Variants in MTF2 observed in about 807,000 individuals in gnomAD.
MTF2 encodes the protein metal-response element-binding transcription factor 2.
MTF2 carries 11 observed loss-of-function variants against 79.5 expected under a neutral mutation model. The ratio of observed to expected loss-of-function variants is 0.14; its 90% CI spans 0.09 to 0.23. The LOEUF is 0.23. Among genes scored for constraint, MTF2 ranks in the 10% least tolerant of loss-of-function variants. The pLI, the probability that MTF2 is intolerant of heterozygous loss-of-function variation, is 1.00. For missense variants in MTF2, 486 were observed against 711.2 expected (o/e 0.68, Z 3.60); for synonymous variants, 208 against 232.8 (o/e 0.89, Z 0.97).
intron 11 of MTF2, among the ~76,000 whole-genome samples, chr1:93,133,478 A>C (rs1647226351): frequency 6.6e-6 from 1 of 152,122 alleles, no homozygotes; most frequent in African/African-American, 2.4e-5. Context: ...ACTTTCTTTA[A>C]ACCTTTCATA....
At chr1:93,103,916 A>T (rs1482945520) in intron 1 of MTF2, among the ~76,000 whole-genome samples, 1 of 152,134 alleles carries the variant, frequency 6.6e-6, no homozygotes. Flanking sequence ...GAGAAATTTT[A>T]AAAGAAGATA....
At position 93,135,004 on chromosome 1, in the gene MTF2, C is replaced by G. The variant is rs540993038; in HGVS notation, c.1424+809C>G. On this transcript the variant is annotated intron_variant, in intron 14 of 14. Transcript: ENST00000370298. ...TTTTTTTTTGAGATGGAGTCTCGCT[C>G]TGTCACCCAGGCTGGAGTACAGTGG... Among the ~76,000 whole-genome samples the G allele has an allele frequency of 5.3e-5, 8 of 152,214 alleles. No homozygotes were observed. The Middle Eastern group carries it at 0.017, about 324-fold the overall frequency.
At chr1:93,085,262 G>A (rs1654788448) in intron 1 of MTF2, among the ~76,000 whole-genome samples, 2 of 143,142 alleles carry the variant, frequency 1.4e-5, no homozygotes, top group African/African-American at 2.6e-5. Context: ...TGCAAGCTCC[G>A]CCTCCCAGGT....
At chr1:93,134,781 T>C (rs948380018) in intron 14 of MTF2, among the ~76,000 whole-genome samples, 5 of 150,924 alleles carry the variant, frequency 3.3e-5, no homozygotes, top group African/African-American at 1.2e-4. Context: ...GTGTTGGCCT[T>C]CTCAAGTGCT....
At chr1:93,133,453 A>C (rs960118446) in intron 11 of MTF2, among the ~76,000 whole-genome samples, 3 of 152,124 alleles carry the variant, frequency 2.0e-5, no homozygotes, top group African/African-American at 7.2e-5. Context: ...ATTGTTCAGA[A>C]TTATATTAAA....
chr1:93,118,798 A>G (rs991601316), intron 7 of MTF2, among the ~76,000 whole-genome samples: 1 of 152,250 alleles, frequency 6.6e-6, no homozygotes, highest in African/African-American at 2.4e-5. Context: ...AAAAATTTGT[A>G]AAAGCAGACT....
intron 9 of MTF2, chr1:93,121,707 T>TATCATACA: frequency 1.0e-6 from 1 of 952,428 alleles, no homozygotes; most frequent in Non-Finnish European, 1.3e-6. Context: ...GATATTGGAT[T>TATCATACA]ATCATACAAA....
chr1:93,106,733 C>G (rs1010325060), intron 1 of MTF2, among the ~76,000 whole-genome samples: 20 of 152,178 alleles, frequency 1.3e-4, no homozygotes, highest in African/African-American at 4.8e-4. Context: ...GTTGGTCAGG[C>G]TGGTCTTGAA....
intron 9 of MTF2, among the ~76,000 whole-genome samples, chr1:93,125,251 G>A (rs868196847): frequency 6.7e-6 from 1 of 149,764 alleles, no homozygotes; most frequent in Admixed American, 6.6e-5. Flanking sequence ...AATAAGTCAT[G>A]TATACCCTTG....
chr1:93,128,823 A>G (rs1045065025), intron 10 of MTF2: 1 of 145,210 alleles, frequency 6.9e-6, no homozygotes, highest in African/African-American at 2.6e-5. Flanking sequence ...GGCCTCTAGG[A>G]TTTATCTCCT....
At chr1:93,099,896 G>A (rs542951205) in intron 1 of MTF2, among the ~76,000 whole-genome samples, 77 of 152,228 alleles carry the variant, frequency 5.1e-4, no homozygotes, top group African/African-American at 1.8e-3. Context: ...GAATAAGAAA[G>A]GATATTTAAT....
In MTF2 at chr1:93,115,001, G is replaced by A. The variant is rs760281848; in HGVS notation, c.396G>A (p.Leu132=). ...TTTGATATTAAGGATATCATCAGTTGTGTCACACACCTCATATTGATTCCA... is the reference window on the plus strand; with the variant it reads ...TTTGATATTAAGGATATCATCAGTTATGTCACACACCTCATATTGATTCCA... The part of the protein sequence containing the change: ...CDKCGQGYHQ[L]CHTPHIDSSV... Residue 132 remains leucine (L), a synonymous_variant, in exon 5 of 15, where the codon TTG becomes TTA. Coordinates refer to ENST00000370298, the MANE Select transcript of MTF2 (RefSeq NM_007358.4). 6.9e-6 allele frequency: 11 copies of A among 1,602,892 alleles called. No individual in the cohort carries two copies. The highest frequency in any genetic ancestry group is 8.5e-6 in the Non-Finnish European group (10 of 1,171,806).
intron 6 of MTF2, among the ~76,000 whole-genome samples, chr1:93,117,519 G>A (rs2101068836): frequency 6.6e-6 from 1 of 152,212 alleles, no homozygotes; most frequent in South Asian, 2.1e-4. Flanking sequence ...CTTTATACCT[G>A]GTAGAGTCTT....
chr1:93,097,679 C>T (rs1181673359), intron 1 of MTF2, among the ~76,000 whole-genome samples: 1 of 152,146 alleles, frequency 6.6e-6, no homozygotes, highest in African/African-American at 2.4e-5. Context: ...CTCACTGCAA[C>T]CTCCACCTCC....
intron 1 of MTF2, among the ~76,000 whole-genome samples, chr1:93,086,626 G>A (rs1654851063): frequency 6.6e-6 from 1 of 152,080 alleles, no homozygotes; most frequent in Non-Finnish European, 1.5e-5. Context: ...TGAATCTTGA[G>A]ATGCAAAGAC....
chr1:93,097,806 C>T (rs571714441), intron 1 of MTF2, among the ~76,000 whole-genome samples: 3 of 152,162 alleles, frequency 2.0e-5, no homozygotes, highest in South Asian at 2.1e-4. Context: ...CCTTGTTGGC[C>T]GGGCTGGTCG....
At chr1:93,122,063 A>G (rs1001363549) in intron 9 of MTF2, among the ~76,000 whole-genome samples, 4 of 152,172 alleles carry the variant, frequency 2.6e-5, no homozygotes, top group Non-Finnish European at 5.9e-5. Flanking sequence ...TGGCCTCCCA[A>G]AGTGCTGAGA....
chr1:93,092,821 G>A (rs890832185), intron 1 of MTF2, among the ~76,000 whole-genome samples: 5 of 152,090 alleles, frequency 3.3e-5, no homozygotes, highest in African/African-American at 1.2e-4. Flanking sequence ...TATAAAAATT[G>A]TTTACATATG....
intron 9 of MTF2, chr1:93,121,033 A>G: frequency 3.9e-6 from 4 of 1,029,018 alleles, no homozygotes; most frequent in Non-Finnish European, 4.7e-6. Context: ...AAACTTAGAG[A>G]TATAACCAAC....
Sources: allele counts gnomAD v4.1 joint callset (sites outside exome capture counted in the v4.1 genomes callset), GRCh38; gene constraint gnomAD v4.1.1; transcripts MANE v1.5; gene names NCBI Gene and HGNC (gene_info 2026-07-23, HGNC 2026-07-21).